GAS6: variants seen among roughly 807,000 people sequenced by gnomAD.
GAS6 encodes the protein growth arrest specific 6, also known as growth arrest-specific protein 6.
In GAS6, 41 loss-of-function variants were observed where a neutral mutation model predicts 75.8. That is an observed-to-expected ratio of 0.54 (90% CI 0.42 to 0.70). The LOEUF (loss-of-function observed/expected upper bound fraction) is 0.70. Among genes scored for constraint, GAS6 ranks in the 30% least tolerant of loss-of-function variants. GAS6 has a pLI of 0.00. For missense variants in GAS6, 854 were observed against 940.2 expected (o/e 0.91, Z 1.20); for synonymous variants, 432 against 412.6 (o/e 1.05, Z -0.57).
intron 12 of GAS6, among the ~76,000 whole-genome samples, chr13:113,826,186 T>C (rs1017991069): frequency 6.6e-6 from 1 of 152,184 alleles, no homozygotes; most frequent in Non-Finnish European, 1.5e-5. Flanking sequence ...TCCTCCCTTT[T>C]TCAGGCCTAG....
At chr13:113,821,078 C>CG (rs2051450918) in intron 14 of GAS6, 60 bp from the exon 15 acceptor site, 1 of 1,574,596 alleles carries the variant, frequency 6.4e-7, no homozygotes, top group African/African-American at 1.3e-5. Context: ...CCCGCCTGGC[C>CG]CCCCCACCCC....
intron 2 of GAS6, among the ~76,000 whole-genome samples, chr13:113,855,666 C>A (rs1287841927): frequency 2.0e-5 from 3 of 152,162 alleles, no homozygotes; most frequent in African/African-American, 7.2e-5. Context: ...GGGAGTCACG[C>A]CCCGGCCTCT....
chr13:113,840,358 T>G (rs958978031), intron 4 of GAS6: 8 of 163,486 alleles, frequency 4.9e-5, no homozygotes, highest in African/African-American at 1.9e-4. Flanking sequence ...CTCTTTCTGC[T>G]TAGCTGCCCC....
chr13:113,832,322 T>C lies in GAS6; in HGVS notation c.1120A>G (p.Ile374Val). 1 of 1,600,392 alleles carries C rather than the reference T, an allele frequency of 6.2e-7. No homozygotes were observed. Among genetic ancestry groups the C allele is most frequent in the Non-Finnish European group, 8.5e-7 (1 of 1,179,796 alleles). The change falls in exon 10 of 15, where the codon ATC (isoleucine) becomes GTC (valine). Residue 374 changes from isoleucine (I) to valine (V), a missense_variant. By Grantham distance (29) the Ile-to-Val change is conservative. Coordinates refer to ENST00000327773, the MANE Select transcript of GAS6 (RefSeq NM_000820.4). ...ACTGTCTGCCACATGCCATGGTTGA[T>C]GACCGGGCCGCTGCTGGTGACACGG... ...VGRVTSSGPVINHGMWQTISV... is the reference protein window; with the variant it reads ...VGRVTSSGPVVNHGMWQTISV...
chr13:113,859,299 T>C (rs954102971), intron 2 of GAS6, among the ~76,000 whole-genome samples: 6 of 151,834 alleles, frequency 4.0e-5, no homozygotes, highest in African/African-American at 1.5e-4. Context: ...TGTGCATGTA[T>C]GTGTACATGT....
chr13:113,860,407 G>A (rs898008992), intron 2 of GAS6, among the ~76,000 whole-genome samples: 4 of 152,242 alleles, frequency 2.6e-5, no homozygotes, highest in Non-Finnish European at 5.9e-5. Context: ...TCCCAGGCAG[G>A]CACCGGAGGA....
At chr13:113,839,923 G>A (rs1356352643) in intron 4 of GAS6, 73 bp from the exon 5 acceptor site, 9 of 1,605,954 alleles carry the variant, frequency 5.6e-6, no homozygotes, top group Non-Finnish European at 6.0e-6. Context: ...GCTGAGATCG[G>A]GGCGGCTGTG....
At chr13:113,827,688 C>T (rs2051568967) in intron 11 of GAS6, among the ~76,000 whole-genome samples, 1 of 152,210 alleles carries the variant, frequency 6.6e-6, no homozygotes, top group African/African-American at 2.4e-5. Flanking sequence ...GGCTTCAGCA[C>T]AGGCACTGCC....
At chr13:113,822,288 G>T (rs11619074) in intron 13 of GAS6, 102 bp from the exon 14 acceptor site, 120,054 of 869,800 alleles carry the variant, frequency 0.14, 9,293 homozygotes, top group Middle Eastern at 0.2. Context: ...TACGCCGCAC[G>T]CCTGTCTCCG....
rs1015477724 is a variant in GAS6 at position 113,863,030 on chromosome 13, C to T, written c.255+545G>A. On this transcript the variant is annotated intron_variant, in intron 2 of 14. Coordinates refer to ENST00000327773, the MANE Select transcript of GAS6 (RefSeq NM_000820.4). This position sits in a 1 kb window ranked among gnomAD's most constrained non-coding sequence, Gnocchi z 9.4. ...GCACCGTCGGGCTCCTGAAAGCACC[C>T]GCTGCCTCCAGGAGAGCACCTGGCA... 3.9e-5 allele frequency among the ~76,000 whole-genome samples: 6 copies of T among 152,198 alleles called. No individual in the cohort carries two copies. Among genetic ancestry groups the T allele is most frequent in the Non-Finnish European group, 7.4e-5 (5 of 68,026 alleles).
chr13:113,828,333 G>A (rs2051580770), intron 11 of GAS6, among the ~76,000 whole-genome samples: 1 of 152,296 alleles, frequency 6.6e-6, no homozygotes, highest in African/African-American at 2.4e-5. Flanking sequence ...TATCAATTCA[G>A]ATGAAAACTT....
intron 6 of GAS6, among the ~76,000 whole-genome samples, chr13:113,836,853 G>GAGGAGGAGGGGGAGTGGGGA (rs2051721623): frequency 4.4e-5 from 5 of 114,884 alleles, no homozygotes; most frequent in Admixed American, 8.4e-5. Context: ...GGAGTGGGGG[G>GAGGAGGAGGGGGAGTGGGGA]GAGGAGGAGG....
At chr13:113,829,479 T>C (rs1182750420) in intron 10 of GAS6, among the ~76,000 whole-genome samples, 1 of 140,370 alleles carries the variant, frequency 7.1e-6, no homozygotes, top group Non-Finnish European at 1.5e-5. Flanking sequence ...GACCACATGA[T>C]CCTCACCTGG....
chr13:113,847,449 C>A (rs114013224), intron 3 of GAS6, among the ~76,000 whole-genome samples: 4,632 of 152,292 alleles, frequency 0.03, 243 homozygotes, highest in African/African-American at 0.11. Flanking sequence ...GTCAGTTAAA[C>A]GGGCTGACCC....
intron 2 of GAS6, among the ~76,000 whole-genome samples, chr13:113,855,346 A>G (rs1299468644): frequency 1.3e-5 from 2 of 152,186 alleles, no homozygotes; most frequent in Non-Finnish European, 2.9e-5. Context: ...TGGTCCCTCA[A>G]TAAGCTACCG....
intron 3 of GAS6, 140 bp from the exon 4 acceptor site, chr13:113,846,729 A>G: frequency 1.5e-6 from 1 of 679,400 alleles, no homozygotes; most frequent in Non-Finnish European, 2.6e-6. Flanking sequence ...AATGCCGCTT[A>G]GCTTGTGTTA....
intron 8 of GAS6, 67 bp downstream of exon 8, chr13:113,834,484 G>GA (rs2051674341): frequency 7.1e-7 from 1 of 1,404,476 alleles, no homozygotes; most frequent in Admixed American, 3.1e-5. Context: ...TGTTTCTCCC[G>GA]AAAGCCCCCA....
Position 113,826,566 on chromosome 13 carries a change from G to C in GAS6, c.1477+430C>G, listed in dbSNP as rs111491169. ...GGCCTCGCAGGCACCTTCTCTCCCC[G>C]GCCTCCCGGCGCTGGCCTCGCAGGC... On this transcript the variant is annotated intron_variant, in intron 12 of 14. Transcript: ENST00000327773. Among the ~76,000 whole-genome samples, 20 of 62,466 alleles carry C rather than the reference G, an allele frequency of 3.2e-4. 1 individual carries two copies. Among genetic ancestry groups the C allele is most frequent in the Non-Finnish European group, 3.7e-4 (12 of 32,526 alleles). The allele number at this position is 62,466 out of a possible 152,430, so 41.0% of individuals were successfully genotyped here. A position where few individuals can be genotyped will look rare whatever the true frequency, so the allele number is the denominator to read the frequency against.
In GAS6 at chr13:113,860,698, G is replaced by A. The variant is rs182213666; in HGVS notation, c.255+2877C>T. 1.2e-4 allele frequency among the ~76,000 whole-genome samples: 19 copies of A among 152,282 alleles called. No homozygotes were observed. The East Asian group carries it at 1.5e-3, about 12-fold the overall frequency. On this transcript the variant is annotated intron_variant, in intron 2 of 14. Transcript: ENST00000327773. The stretch of plus-strand genomic sequence containing the variant: ...AACAAGATAAGGAGAAGGTCTGGGC[G>A]GTGGAGAGCAAGGAGGCATGTGGGG...
Sources: gnomAD v4.1 joint callset for allele counts (sites outside exome capture counted in the v4.1 genomes callset) on GRCh38, gnomAD v4.1.1 for gene constraint, Gnocchi (gnomAD v3.1) non-coding constraint, MANE v1.5 for transcripts, NCBI Gene and HGNC (gene_info 2026-07-23, HGNC 2026-07-21) for gene names.